WDR49: variants seen among roughly 807,000 people sequenced by gnomAD.
WDR49 encodes the protein WD repeat domain 49.
In WDR49, 107 loss-of-function variants were observed where a neutral mutation model predicts 119.5. The ratio of observed to expected loss-of-function variants is 0.90; its 90% CI spans 0.77 to 1.05. The LOEUF is 1.05. Among genes scored for constraint, WDR49 ranks in the 50% least tolerant of loss-of-function variants. The pLI is 0.00. For synonymous variants in WDR49, 425 were observed against 418.8 expected, an observed-to-expected ratio of 1.01 and a Z score of -0.18; for missense variants, 1,240 against 1,220.5, an observed-to-expected ratio of 1.02 and a Z score of -0.24.
intron 7 of WDR49, among the ~76,000 whole-genome samples, chr3:167,583,101 G>T (rs1258498136): frequency 1.3e-5 from 2 of 151,954 alleles, no homozygotes; most frequent in Non-Finnish European, 2.9e-5. Context: ...TTCATTTGGA[G>T]AATTTTTAAA....
intron 15 of WDR49, among the ~76,000 whole-genome samples, chr3:167,522,693 T>C (rs929133437): frequency 1.3e-5 from 2 of 151,994 alleles, no homozygotes; most frequent in Non-Finnish European, 2.9e-5. Flanking sequence ...AGGTAGAAAA[T>C]GAGATATGTC....
intron 14 of WDR49, among the ~76,000 whole-genome samples, chr3:167,528,813 C>T (rs1461337252): frequency 6.6e-6 from 1 of 152,016 alleles, no homozygotes; most frequent in Non-Finnish European, 1.5e-5. Context: ...AACAATATTG[C>T]ATTTCTAAAT....
At chr3:167,481,274 A>T (rs1260543450) in intron 18 of WDR49, among the ~76,000 whole-genome samples, 1 of 152,192 alleles carries the variant, frequency 6.6e-6, no homozygotes. Context: ...ACAAAAATTA[A>T]ATTTTAAAAA....
At chr3:167,654,693 C>T (rs533327759), upstream of WDR49, among the ~76,000 whole-genome samples, 5 of 151,986 alleles carry the variant, frequency 3.3e-5, no homozygotes, top group South Asian at 4.2e-4. Context: ...CTCAGGAGTT[C>T]GAGAGCAGCC....
At chr3:167,618,716 C>T (rs1716718897) in intron 5 of WDR49, among the ~76,000 whole-genome samples, 1 of 152,134 alleles carries the variant, frequency 6.6e-6, no homozygotes, top group Admixed American at 6.5e-5. Flanking sequence ...AATCGGATTC[C>T]TTAGGTCATA....
chr3:167,657,567 G>A (rs1365056553), upstream of WDR49, among the ~76,000 whole-genome samples: 9 of 142,466 alleles, frequency 6.3e-5, no homozygotes, highest in South Asian at 2.0e-3. Flanking sequence ...CCAACATATA[G>A]ATCTCCCTTT....
chr3:167,634,798 A>G (rs1232138118), intron 2 of WDR49, among the ~76,000 whole-genome samples: 3 of 151,894 alleles, frequency 2.0e-5, no homozygotes, highest in Non-Finnish European at 4.4e-5. Context: ...TGCACAAAAG[A>G]ATCCATGCTT....
chr3:167,484,689 CAAAA>C (rs11354730), intron 18 of WDR49, among the ~76,000 whole-genome samples: 15 of 119,400 alleles, frequency 1.3e-4, no homozygotes, highest in Admixed American at 1.8e-4. Context: ...AGGATGATGG[CAAAA>C]AAAAAAAAAA....
At chr3:167,647,360 C>CA (rs1718175407) in intron 2 of WDR49, among the ~76,000 whole-genome samples, 1 of 152,168 alleles carries the variant, frequency 6.6e-6, no homozygotes, top group Non-Finnish European at 1.5e-5. Flanking sequence ...TAAAAGTACA[C>CA]AGAGAGTTTG....
chr3:167,507,848 C>T (rs1190312860), intron 16 of WDR49, among the ~76,000 whole-genome samples: 2 of 152,206 alleles, frequency 1.3e-5, no homozygotes, highest in Admixed American at 6.5e-5. Context: ...CACAGACAGA[C>T]ATCTGACATT....
chr3:167,643,788 G>A (rs1717991925), intron 2 of WDR49, among the ~76,000 whole-genome samples: 1 of 151,922 alleles, frequency 6.6e-6, no homozygotes, highest in Non-Finnish European at 1.5e-5. Flanking sequence ...TAAATATATT[G>A]TAAATATTCT....
intron 11 of WDR49, among the ~76,000 whole-genome samples, chr3:167,533,345 C>T (rs1033789614): frequency 5.3e-5 from 8 of 152,036 alleles, no homozygotes; most frequent in African/African-American, 1.9e-4. Context: ...GCAATTTTCT[C>T]ATCTATAAAA....
At chr3:167,633,709 A>G (rs571889227) in intron 2 of WDR49, among the ~76,000 whole-genome samples, 1 of 152,140 alleles carries the variant, frequency 6.6e-6, no homozygotes, top group East Asian at 1.9e-4. Context: ...ACATACATAT[A>G]CATACATAGA....
intron 18 of WDR49, among the ~76,000 whole-genome samples, chr3:167,488,189 CA>C (rs1750998645): frequency 7.2e-6 from 1 of 139,562 alleles, no homozygotes; most frequent in South Asian, 2.2e-4. Flanking sequence ...CACACACACA[CA>C]CACCATGGAA....
intron 10 of WDR49, among the ~76,000 whole-genome samples, chr3:167,550,740 A>G (rs1712504927): frequency 1.3e-5 from 2 of 150,928 alleles, no homozygotes; most frequent in African/African-American, 4.9e-5. Flanking sequence ...AAAAGAGAAA[A>G]TTAAAATCAG....
Position 167,614,699 on chromosome 3 carries a change from T to A in WDR49, c.958+5730A>T, listed in dbSNP as rs113823564. ...TAATACTCTTCTGTCTGAAACTGAGTTTTTCCTTTGACATTTCATTTTTAC... is the reference window on the plus strand; with the variant it reads ...TAATACTCTTCTGTCTGAAACTGAGATTTTCCTTTGACATTTCATTTTTAC... On this transcript the variant is annotated intron_variant, in intron 5 of 18. Coordinates refer to ENST00000682715, the MANE Select transcript of WDR49 (RefSeq NM_001366157.1). Among the ~76,000 whole-genome samples, 359 of 152,260 alleles carry A rather than the reference T, an allele frequency of 2.4e-3. 1 individual carries two copies. The highest frequency in any genetic ancestry group is 8.1e-3 in the African/African-American group (336 of 41,540).
chr3:167,563,547 G>A (rs1469340094), intron 8 of WDR49, among the ~76,000 whole-genome samples: 2 of 152,042 alleles, frequency 1.3e-5, no homozygotes, highest in Admixed American at 1.3e-4. Context: ...AAAGGTTAAA[G>A]ATTGTGCAGG....
At chr3:167,652,244 ATTAAT>A (rs1432566954) in intron 2 of WDR49, among the ~76,000 whole-genome samples, 2 of 152,210 alleles carry the variant, frequency 1.3e-5, no homozygotes, top group African/African-American at 4.8e-5. Flanking sequence ...CTATTGGGAC[ATTAAT>A]TTATCAATAC....
At chr3:167,583,953 C>G (rs1442579159) in intron 7 of WDR49, among the ~76,000 whole-genome samples, 1 of 152,036 alleles carries the variant, frequency 6.6e-6, no homozygotes, top group African/African-American at 2.4e-5. Context: ...GAGGAAGAAT[C>G]ACCAGAATAG....
Sources: allele counts gnomAD v4.1 joint callset (sites outside exome capture counted in the v4.1 genomes callset), GRCh38; gene constraint gnomAD v4.1.1; transcripts MANE v1.5; gene names NCBI Gene and HGNC (gene_info 2026-07-23, HGNC 2026-07-21).